PPP6R2: variants seen among roughly 807,000 people sequenced by gnomAD.
The protein encoded by PPP6R2 is serine/threonine-protein phosphatase 6 regulatory subunit 2.
A neutral mutation model predicts 100.2 loss-of-function variants in PPP6R2; 62 were observed. That is an observed-to-expected ratio of 0.62 (90% confidence interval 0.50 to 0.76). The LOEUF (loss-of-function observed/expected upper bound fraction) is 0.76. Ranked by LOEUF, PPP6R2 falls within the 30% of genes least tolerant of loss-of-function variation. The pLI, the probability that PPP6R2 is intolerant of heterozygous loss-of-function variation, is 0.00. For missense variants in PPP6R2, 1,142 were observed against 1,276.3 expected, an observed-to-expected ratio of 0.89 and a Z score of 1.60; for synonymous variants, 525 against 514.7, an observed-to-expected ratio of 1.02 and a Z score of -0.27.
At chr22:50,438,892 C>A in intron 19 of PPP6R2, 130 bp downstream of exon 19, 1 of 1,003,388 alleles carries the variant, frequency 1.0e-6, no homozygotes, top group Non-Finnish European at 1.4e-6. Context: ...AGCCTGAATC[C>A]CCAGCTATTT....
intron 3 of PPP6R2, among the ~76,000 whole-genome samples, chr22:50,394,933 AG>A (rs2056460444): frequency 6.1e-5 from 9 of 147,512 alleles, no homozygotes; most frequent in African/African-American, 1.0e-4. Context: ...AAAAAAAAAA[AG>A]AGTTTTGACT....
At chr22:50,438,149 C>T in intron 17 of PPP6R2, 25 bp from the exon 18 acceptor site, 1 of 1,599,686 alleles carries the variant, frequency 6.3e-7, no homozygotes, top group Non-Finnish European at 8.5e-7. Context: ...CCTCTGGAAA[C>T]TCACCTTGGC....
In PPP6R2 at chr22:50,422,353, C is replaced by T. The variant is rs375687373; in HGVS notation, c.945C>T (p.Phe315=). Residue 315 remains phenylalanine, a synonymous_variant, in exon 9 of 24, where the codon TTC becomes TTT. Coordinates refer to ENST00000612753, the MANE Select transcript of PPP6R2 (RefSeq NM_001242898.2). ...LHGIEPRLKD[F]HQLLLNPPKK... ...GCATCGAGCCTCGGCTGAAGGACTT[C>T]CACCAGCTCCTGCTCAACCCGCCCA... 6.2e-7 allele frequency: 1 copy of T among 1,613,988 alleles called. No individual in the cohort carries two copies. The highest frequency in any genetic ancestry group is 1.3e-5 in the African/African-American group (1 of 74,912).
At chr22:50,437,649 G>A (rs754178484) in intron 16 of PPP6R2, 46 bp downstream of exon 16, 5 of 1,487,126 alleles carry the variant, frequency 3.4e-6, no homozygotes, top group Non-Finnish European at 4.7e-6. Flanking sequence ...GGCTCTCCCT[G>A]CTGCTGAGCT....
chr22:50,360,171 G>T (rs2047497160), intron 1 of PPP6R2, among the ~76,000 whole-genome samples: 1 of 151,660 alleles, frequency 6.6e-6, no homozygotes, highest in South Asian at 2.1e-4. Flanking sequence ...TCCTGCCTCA[G>T]CCTCCCAAGT....
At chr22:50,438,350 C>T (rs2064849054) in intron 18 of PPP6R2, 52 bp downstream of exon 18, 3 of 1,579,632 alleles carry the variant, frequency 1.9e-6, no homozygotes, top group South Asian at 1.2e-5. Context: ...GTTCAGCCCC[C>T]AGAACACCTG....
chr22:50,339,007 GGTGTGTGGT>G (rs1345821387), upstream of PPP6R2, among the ~76,000 whole-genome samples: 4 of 130,286 alleles, frequency 3.1e-5, no homozygotes, highest in Non-Finnish European at 6.6e-5. Flanking sequence ...TGTGGTATGT[GGTGTGTGGT>G]GTGTGTGTGT....
chr22:50,437,183 C>T (rs1388138420), intron 15 of PPP6R2, 115 bp downstream of exon 15: 1 of 1,055,238 alleles, frequency 9.5e-7, no homozygotes, highest in Non-Finnish European at 1.4e-6. Flanking sequence ...GGAGCGGGGG[C>T]TCGTCTCCGA....
the PPP6R2 span, among the ~76,000 whole-genome samples, chr22:50,337,240 TGTGTGTGTGTG>T: frequency 1.0e-4 from 14 of 138,948 alleles, no homozygotes; most frequent in Admixed American, 4.4e-4. Flanking sequence ...GGTGTATTGG[TGTGTGTGTGTG>T]GTGTGTGTGC....
At chr22:50,353,817 CTT>C (rs111868603) in intron 1 of PPP6R2, among the ~76,000 whole-genome samples, 37 of 137,350 alleles carry the variant, frequency 2.7e-4, no homozygotes, top group Middle Eastern at 3.6e-3. Context: ...AAGCCTCTCC[CTT>C]TTTTTTTTTT....
At chr22:50,351,853 G>A (rs1191239694) in intron 1 of PPP6R2, among the ~76,000 whole-genome samples, 2 of 151,980 alleles carry the variant, frequency 1.3e-5, no homozygotes, top group African/African-American at 4.8e-5. Flanking sequence ...GAGTGCAGTG[G>A]CGCGATCTCG....
rs368823701 is a variant in PPP6R2 at position 50,431,220 on chromosome 22, G to A, written c.1173G>A (p.Val391=). Residue 391 remains valine (V), a synonymous_variant, in exon 11 of 24, where the codon GTG becomes GTA. Coordinates refer to ENST00000612753, the MANE Select transcript of PPP6R2 (RefSeq NM_001242898.2). The surrounding 1 kb of genome is among the most constrained non-coding windows in gnomAD (Gnocchi z 4.8). ...GGAATAACTTTTTGCACTTCCAAGTGGAACTATGCATAGCCGCTATTCTCT... is the reference window on the plus strand; with the variant it reads ...GGAATAACTTTTTGCACTTCCAAGTAGAACTATGCATAGCCGCTATTCTCT... The part of the protein sequence containing the change: ...YTWNNFLHFQ[V]ELCIAAILSH... The A allele has an allele frequency of 6.2e-7, 1 of 1,613,730 alleles. No homozygotes were observed. The highest frequency in any genetic ancestry group is 1.3e-5 in the African/African-American group (1 of 74,946).
intron 2 of PPP6R2, among the ~76,000 whole-genome samples, chr22:50,377,868 G>A (rs544010966): frequency 5.9e-5 from 9 of 152,198 alleles, no homozygotes; most frequent in East Asian, 1.9e-4. Context: ...GTAGCTCAGC[G>A]TGGTGGCACG....
chr22:50,379,617 G>T (rs1175439910), intron 2 of PPP6R2, among the ~76,000 whole-genome samples: 1 of 152,146 alleles, frequency 6.6e-6, no homozygotes, highest in African/African-American at 2.4e-5. Flanking sequence ...CATTGGAGGG[G>T]TGCAGTGGCT....
chr22:50,332,429 A>G, the PPP6R2 span, among the ~76,000 whole-genome samples: 1 of 151,186 alleles, frequency 6.6e-6, no homozygotes, highest in African/African-American at 2.4e-5. Flanking sequence ...GCGGGGTTTC[A>G]CTGTGTTAGC....
intron 2 of PPP6R2, among the ~76,000 whole-genome samples, chr22:50,385,198 GT>G (rs1234574567): frequency 6.6e-6 from 1 of 151,990 alleles, no homozygotes; most frequent in African/African-American, 2.4e-5. Context: ...ATTAAGTTTT[GT>G]TTTGTTTTGT....
intron 2 of PPP6R2, among the ~76,000 whole-genome samples, chr22:50,392,821 G>A (rs995849701): frequency 1.4e-4 from 22 of 152,182 alleles, no homozygotes; most frequent in Non-Finnish European, 1.8e-4. Flanking sequence ...GGAGGCTCCC[G>A]TGTCAGGGGT....
At chr22:50,338,096 GGT>G in the PPP6R2 span, among the ~76,000 whole-genome samples, 2 of 145,416 alleles carry the variant, frequency 1.4e-5, no homozygotes, top group East Asian at 4.2e-4. Context: ...TAGTGTGTGT[GGT>G]GTGTGGTATG....
At chr22:50,440,710 G>C in intron 21 of PPP6R2, 112 bp from the exon 22 acceptor site, 1 of 1,242,888 alleles carries the variant, frequency 8.0e-7, no homozygotes, top group Non-Finnish European at 1.2e-6. Context: ...CATGTGTGCA[G>C]GCAACAGGCT....
Sources: gnomAD v4.1 joint callset for allele counts (sites outside exome capture counted in the v4.1 genomes callset) on GRCh38, gnomAD v4.1.1 for gene constraint, Gnocchi (gnomAD v3.1) non-coding constraint, MANE v1.5 for transcripts, NCBI Gene and HGNC (gene_info 2026-07-23, HGNC 2026-07-21) for gene names.